The following SMIM14 variants were observed in gnomAD, a reference collection of about 807,000 sequenced individuals.
SMIM14 encodes the protein small integral membrane protein 14.
SMIM14 carries 5 observed loss-of-function variants against 12.6 expected under a neutral mutation model. The observed-to-expected ratio is 0.40, with a 90% CI of 0.21 to 0.83. The LOEUF (loss-of-function observed/expected upper bound fraction) is 0.83, where lower values mean the gene tolerates loss of function less well. Among genes scored for constraint, SMIM14 ranks in the 40% least tolerant of loss-of-function variants. The pLI, the probability that SMIM14 is intolerant of heterozygous loss-of-function variation, is 0.37. For synonymous variants in SMIM14, 30 were observed against 40.1 expected (o/e 0.75, Z 0.95); for missense variants, 86 against 119.1 (o/e 0.72, Z 1.29).
At chr4:39,628,306 C>CA (rs1212530043) in intron 1 of SMIM14, among the ~76,000 whole-genome samples, 179 of 70,188 alleles carry the variant, frequency 2.6e-3, no homozygotes, top group East Asian at 0.013. Flanking sequence ...GACTCCATCA[C>CA]AAAAAAAAAA....
chr4:39,613,496 G>A (rs1715106719), intron 1 of SMIM14, among the ~76,000 whole-genome samples: 1 of 151,980 alleles, frequency 6.6e-6, no homozygotes, highest in African/African-American at 2.4e-5. Flanking sequence ...TTCTCTTTTG[G>A]TGAGGACCCA....
intron 2 of SMIM14, among the ~76,000 whole-genome samples, chr4:39,576,284 G>T (rs1385555132): frequency 1.3e-5 from 2 of 151,544 alleles, no homozygotes; most frequent in East Asian, 1.9e-4. Flanking sequence ...CCCATGCAGA[G>T]AATGAAAATA....
intron 1 of SMIM14, among the ~76,000 whole-genome samples, chr4:39,628,507 T>C (rs1483163248): frequency 6.6e-6 from 1 of 151,394 alleles, no homozygotes; most frequent in Non-Finnish European, 1.5e-5. Flanking sequence ...ACCCCGTCTC[T>C]ACTAAAAATA....
At chr4:39,606,618 C>T (rs529590896) in intron 1 of SMIM14, among the ~76,000 whole-genome samples, 22 of 134,602 alleles carry the variant, frequency 1.6e-4, no homozygotes, top group South Asian at 2.4e-4. Flanking sequence ...TCCAGCCTGG[C>T]GACAGAGCAA....
chr4:39,588,399 G>A (rs992991020), intron 2 of SMIM14, among the ~76,000 whole-genome samples: 1 of 151,936 alleles, frequency 6.6e-6, no homozygotes, highest in Non-Finnish European at 1.5e-5. Context: ...TAAATAAAAC[G>A]TAACTATACA....
intron 2 of SMIM14, among the ~76,000 whole-genome samples, chr4:39,596,895 C>T (rs1714389918): frequency 6.6e-6 from 1 of 152,214 alleles, no homozygotes; most frequent in East Asian, 1.9e-4. Flanking sequence ...CTGACCTCAG[C>T]CTCTGAAGGA....
chr4:39,628,968 G>T (rs1715808698), intron 1 of SMIM14, among the ~76,000 whole-genome samples: 3 of 151,250 alleles, frequency 2.0e-5, no homozygotes, highest in Admixed American at 1.3e-4. Flanking sequence ...CCTTACTTCA[G>T]ATGATCCACC....
At chr4:39,597,617 T>A (rs1420557410) in intron 2 of SMIM14, among the ~76,000 whole-genome samples, 3 of 152,068 alleles carry the variant, frequency 2.0e-5, no homozygotes, top group African/African-American at 7.2e-5. Flanking sequence ...CTAATTTTTG[T>A]ATTTTTAGTA....
At chr4:39,564,228 C>T (rs1014953596) in intron 3 of SMIM14, among the ~76,000 whole-genome samples, 4 of 152,180 alleles carry the variant, frequency 2.6e-5, no homozygotes, top group African/African-American at 7.2e-5. Context: ...GTGGACAATA[C>T]ACCGGTATGC....
Position 39,551,971 on chromosome 4 carries a change from G to T in SMIM14, c.*155C>A, listed in dbSNP as rs1711736019. On this transcript the variant is annotated 3_prime_UTR_variant, in exon 5 of 5. Transcript: ENST00000295958. The stretch of plus-strand genomic sequence containing the variant: ...TAACACAGGAAGCAAAAATAAACTT[G>T]CAAGTGAAATTTCTAGAAGCTCATG... 1.2e-5 allele frequency: 6 copies of T among 489,576 alleles called. No homozygotes were observed. The highest frequency in any genetic ancestry group is 3.9e-5 in the Admixed American group (1 of 25,598). The allele number at this position is 489,576 out of a possible 1,614,324, so 30.3% of individuals were successfully genotyped here. A position where few individuals can be genotyped will look rare whatever the true frequency, so the allele number is the denominator to read the frequency against.
intron 2 of SMIM14, among the ~76,000 whole-genome samples, chr4:39,591,862 G>A (rs1173527787): frequency 6.6e-6 from 1 of 151,990 alleles, no homozygotes. Context: ...CACCCCACCC[G>A]GCCCTATAAT....
chr4:39,618,822 T>C (rs1026271290), intron 1 of SMIM14, among the ~76,000 whole-genome samples: 1 of 152,126 alleles, frequency 6.6e-6, no homozygotes, highest in Admixed American at 6.6e-5. Context: ...CTGCACACTT[T>C]TTTCAACCTG....
In SMIM14 at chr4:39,555,806, A is replaced by G. The variant is rs369423023; in HGVS notation, c.267+622T>C. ...TAGCTAGGACAGAAGGGGGTCAAAC[A>G]TTTCAACTAAAGCTACTAAGAGTTT... On this transcript the variant is annotated intron_variant, in intron 4 of 4. Coordinates refer to ENST00000295958, the MANE Select transcript of SMIM14 (RefSeq NM_174921.3). Among the ~76,000 whole-genome samples the G allele has an allele frequency of 1.6e-4, 25 of 152,310 alleles. No homozygotes were observed. In the East Asian group the frequency reaches 1.7e-3, roughly 11 times the overall value.
chr4:39,607,114 C>G (rs1714843185), intron 1 of SMIM14, among the ~76,000 whole-genome samples: 1 of 152,108 alleles, frequency 6.6e-6, no homozygotes, highest in East Asian at 1.9e-4. Context: ...CCAGCCTGAG[C>G]AACACAGTGA....
intron 4 of SMIM14, among the ~76,000 whole-genome samples, chr4:39,553,658 A>G (rs1311125242): frequency 2.7e-5 from 4 of 146,858 alleles, no homozygotes; most frequent in African/African-American, 1.0e-4. Flanking sequence ...CAATGGCGCC[A>G]TCTCAGCTCA....
intron 1 of SMIM14, among the ~76,000 whole-genome samples, chr4:39,616,324 C>T (rs1197909140): frequency 6.6e-6 from 1 of 152,036 alleles, no homozygotes; most frequent in Non-Finnish European, 1.5e-5. Flanking sequence ...TTAGTAAAGA[C>T]GGAGTTTCAC....
chr4:39,576,055 G>A (rs1015583116), intron 2 of SMIM14, among the ~76,000 whole-genome samples: 19 of 150,958 alleles, frequency 1.3e-4, no homozygotes, highest in African/African-American at 4.6e-4. Context: ...CACCATGCCT[G>A]GCTAATTTTT....
chr4:39,620,924 T>C (rs1391158613), intron 1 of SMIM14: 1 of 152,146 alleles, frequency 6.6e-6, no homozygotes, highest in East Asian at 1.9e-4. Flanking sequence ...TCAAAATATA[T>C]CTATTTATAT....
chr4:39,631,397 G>A (rs1715891348), intron 1 of SMIM14, among the ~76,000 whole-genome samples: 1 of 150,620 alleles, frequency 6.6e-6, no homozygotes, highest in African/African-American at 2.4e-5. Context: ...AGTGGCTCAT[G>A]CCTATAATCC....
Sources: gnomAD v4.1 joint callset for allele counts (sites outside exome capture counted in the v4.1 genomes callset) on GRCh38, gnomAD v4.1.1 for gene constraint, MANE v1.5 for transcripts, NCBI Gene and HGNC (gene_info 2026-07-23, HGNC 2026-07-21) for gene names.